The following EHMT1 variants were observed in gnomAD, a reference collection of about 807,000 sequenced individuals.
EHMT1 encodes the protein euchromatic histone lysine methyltransferase 1.
A neutral mutation model predicts 147.2 loss-of-function variants in EHMT1; 15 were observed. The observed-to-expected ratio is 0.10, with a 90% CI of 0.07 to 0.16. The LOEUF is 0.16. Among genes scored for constraint, EHMT1 ranks in the 10% least tolerant of loss-of-function variants. The pLI, the probability that EHMT1 is intolerant of heterozygous loss-of-function variation, is 1.00. For missense variants in EHMT1, 1,587 were observed against 1,772.4 expected (o/e 0.90, Z 1.88); for synonymous variants, 795 against 709.6 (o/e 1.12, Z -1.91).
intron 1 of EHMT1, among the ~76,000 whole-genome samples, chr9:137,659,725 T>C (rs1938873812): frequency 6.6e-6 from 1 of 151,760 alleles, no homozygotes; most frequent in Non-Finnish European, 1.5e-5. Context: ...AGTAGGCATG[T>C]ACCACCACAC....
Position 137,817,504 on chromosome 9 carries a change from C to T in EHMT1, c.3440C>T (p.Pro1147Leu). The change falls in exon 24 of 27, where the codon CCA becomes CTA. Residue 1147 changes from proline to leucine, a missense_variant. Pro to Leu is a moderately conservative substitution (Grantham distance 98, BLOSUM62 -3). Transcript: ENST00000460843. ...GGCGTGCGGTCCCTGCAGGACATCCCACCAGGCACCTTTGTCTGCGAGTGA... is the reference window on the plus strand; with the variant it reads ...GGCGTGCGGTCCCTGCAGGACATCCTACCAGGCACCTTTGTCTGCGAGTGA... Reference protein sequence around the residue: ...GWGVRSLQDIPPGTFVCEYVG... With the variant: ...GWGVRSLQDILPGTFVCEYVG... 1 of 1,614,210 alleles carries T rather than the reference C, an allele frequency of 6.2e-7. No individual in the cohort carries two copies. Among genetic ancestry groups the T allele is most frequent in the Non-Finnish European group, 8.5e-7 (1 of 1,180,026 alleles).
chr9:137,834,217 A>G (rs960487278), intron 25 of EHMT1, 132 bp from the exon 26 acceptor site: 53 of 1,201,742 alleles, frequency 4.4e-5, no homozygotes, highest in Non-Finnish European at 5.8e-6. Context: ...AGGTCACTGG[A>G]GAAGGCCCCT....
rs1367981586 is a variant in EHMT1, at chr9:137,732,847, T to A, written c.823+4318T>A. On this transcript the variant is annotated intron_variant, in intron 4 of 26. Transcript: ENST00000460843. The surrounding 1 kb of genome is among the most constrained non-coding windows in gnomAD (Gnocchi z 4.6). ...CTGTGGGAGGGGTGTTGGAGCCAGG[T>A]TATCAAAGAAAGGCTGAGATTTCTT... Among the ~76,000 whole-genome samples, 1 of 152,182 alleles carries A rather than the reference T, an allele frequency of 6.6e-6. No homozygotes were observed. The highest frequency in any genetic ancestry group is 2.4e-5 in the African/African-American group (1 of 41,436).
chr9:137,775,343 C>CG lies in EHMT1; in HGVS notation c.1791+94dup, dbSNP rs1292921416. The CG allele has an allele frequency of 6.5e-7, 1 of 1,548,398 alleles. No individual in the cohort carries two copies. The highest frequency in any genetic ancestry group is 8.7e-7 in the Non-Finnish European group (1 of 1,149,458). The stretch of plus-strand genomic sequence containing the variant: ...TTCCTGTCCTGTGTCCACCTGCTGT[C>CG]GGGTGGTCCAGCAGCTGGCCCAGGT... On this transcript the variant is annotated intron_variant, in intron 11 of 26. Coordinates refer to ENST00000460843, the MANE Select transcript of EHMT1 (RefSeq NM_024757.5). This position sits in a 1 kb window ranked among gnomAD's most constrained non-coding sequence, Gnocchi z 6.1.
chr9:137,779,039 AT>A (rs1951176205), intron 13 of EHMT1, among the ~76,000 whole-genome samples: 1 of 152,164 alleles, frequency 6.6e-6, no homozygotes, highest in Non-Finnish European at 1.5e-5. Flanking sequence ...TTCATGAGGG[AT>A]CTGCCTCCAG....
intron 17 of EHMT1, chr9:137,800,521 C>T (rs1033606293): frequency 9.5e-6 from 3 of 315,836 alleles, no homozygotes; most frequent in African/African-American, 2.2e-5. Context: ...CCTGGGCTTA[C>T]GAAGTTTCAG....
intron 18 of EHMT1, among the ~76,000 whole-genome samples, chr9:137,801,776 G>A (rs1355257232): frequency 6.6e-6 from 1 of 152,164 alleles, no homozygotes; most frequent in African/African-American, 2.4e-5. Context: ...GGGATTACAG[G>A]TGTGAGCCAC....
chr9:137,719,585 T>A (rs1401600580), intron 3 of EHMT1, among the ~76,000 whole-genome samples: 1 of 152,188 alleles, frequency 6.6e-6, no homozygotes, highest in African/African-American at 2.4e-5. Flanking sequence ...TAGAAAATCT[T>A]AAAAATAATT....
rs1006268801 is a variant in EHMT1, at chr9:137,668,740, T to C, written c.22-42227T>C. 2.0e-5 allele frequency among the ~76,000 whole-genome samples: 3 copies of C among 152,182 alleles called. No individual in the cohort carries two copies. In the East Asian group the frequency reaches 5.8e-4, roughly 29 times the overall value. On this transcript the variant is annotated intron_variant, in intron 1 of 26. Coordinates refer to ENST00000460843, the MANE Select transcript of EHMT1 (RefSeq NM_024757.5). ...CACTTAACTTAGTGTTTTCTTTTTT[T>C]TTTTTGCTGTTAATGGACAGTGCTG...
In EHMT1 at chr9:137,681,474, C is replaced by T. The variant is rs80139401; in HGVS notation, c.22-29493C>T. Among the ~76,000 whole-genome samples, 551 of 152,336 alleles carry T rather than the reference C, an allele frequency of 3.6e-3. 1 individual carries two copies. The highest frequency in any genetic ancestry group is 0.014 in the Middle Eastern group (4 of 294). On this transcript the variant is annotated intron_variant, in intron 1 of 26. Coordinates refer to ENST00000460843, the MANE Select transcript of EHMT1 (RefSeq NM_024757.5). ...TTATTGATACAAAAACAGTACAAAA[C>T]TGCTTTGACTAAAATTCCTTCGTTA...
At chr9:137,733,435 A>G (rs1173249799) in intron 4 of EHMT1, among the ~76,000 whole-genome samples, 2 of 152,232 alleles carry the variant, frequency 1.3e-5, no homozygotes, top group Non-Finnish European at 2.9e-5. Flanking sequence ...CACCTAGACA[A>G]CAGTTCCACT....
chr9:137,715,181 T>G (rs925883591), intron 2 of EHMT1, among the ~76,000 whole-genome samples: 2 of 152,224 alleles, frequency 1.3e-5, no homozygotes, highest in African/African-American at 4.8e-5. Flanking sequence ...GACCCTCACA[T>G]TGTTCTTTCC....
At chr9:137,760,836 C>T (rs141871889) in intron 9 of EHMT1, among the ~76,000 whole-genome samples, 2,031 of 152,240 alleles carry the variant, frequency 0.013, 15 homozygotes, top group Middle Eastern at 0.027. Context: ...AGTGAAACCC[C>T]GTCTCTACTG....
chr9:137,683,210 ATAT>A (rs1165228966), intron 1 of EHMT1, among the ~76,000 whole-genome samples: 2 of 152,242 alleles, frequency 1.3e-5, no homozygotes, highest in African/African-American at 4.8e-5. Flanking sequence ...GAGACAGAAT[ATAT>A]TACACTTATT....
intron 3 of EHMT1, among the ~76,000 whole-genome samples, chr9:137,721,561 G>T (rs1429908579): frequency 6.6e-5 from 6 of 90,890 alleles, no homozygotes; most frequent in Non-Finnish European, 4.4e-5. Context: ...CTTCTCCCAC[G>T]CCTCTCATCC....
intron 15 of EHMT1, chr9:137,788,384 G>C: frequency 6.2e-6 from 2 of 322,510 alleles, no homozygotes; most frequent in Non-Finnish European, 1.1e-5. Context: ...CCTCAGCCGG[G>C]GTGACGCTCA....
chr9:137,743,221 G>T, intron 4 of EHMT1, 150 bp from the exon 5 acceptor site: 1 of 858,386 alleles, frequency 1.2e-6, no homozygotes, highest in Non-Finnish European at 1.8e-6. Context: ...TCACTGTGCT[G>T]ATGACCTGCG....
At chr9:137,637,488 T>A (rs944436778) in intron 1 of EHMT1, 8 of 152,082 alleles carry the variant, frequency 5.3e-5, no homozygotes, top group Admixed American at 2.0e-4. Flanking sequence ...AAAAATTTTT[T>A]AATTTTATTT....
chr9:137,757,344 C>G (rs147620959), intron 8 of EHMT1, among the ~76,000 whole-genome samples: 2 of 152,360 alleles, frequency 1.3e-5, no homozygotes, highest in East Asian at 3.9e-4. Context: ...GGAGTCGACA[C>G]TGATCCTTTC....
Sources: allele counts gnomAD v4.1 joint callset (sites outside exome capture counted in the v4.1 genomes callset), GRCh38; gene constraint gnomAD v4.1.1; non-coding constraint Gnocchi (gnomAD v3.1); transcripts MANE v1.5; gene names NCBI Gene and HGNC (gene_info 2026-07-23, HGNC 2026-07-21).